The following CEP104 variants were observed in gnomAD, a reference collection of about 807,000 sequenced individuals.
The protein encoded by CEP104 is centrosomal protein 104.
CEP104 carries 84 observed loss-of-function variants against 113.3 expected under a neutral mutation model. The observed-to-expected ratio is 0.74, with a 90% CI of 0.62 to 0.89. The LOEUF is 0.89. Ranked by LOEUF, CEP104 falls within the 40% of genes least tolerant of loss-of-function variation. The probability of loss-of-function intolerance (pLI) is 0.00; values close to 1 mark genes in which losing one functional copy is unlikely to be tolerated. For missense variants in CEP104, 1,053 were observed against 1,156.6 expected, an observed-to-expected ratio of 0.91 and a Z score of 1.30; for synonymous variants, 378 against 421.7, an observed-to-expected ratio of 0.90 and a Z score of 1.27.
intron 18 of CEP104, among the ~76,000 whole-genome samples, chr1:3,825,495 T>C (rs896713087): frequency 6.6e-6 from 1 of 152,198 alleles, no homozygotes; most frequent in Non-Finnish European, 1.5e-5. Flanking sequence ...AGGACCCATT[T>C]GTGGTGTCAG....
intron 20 of CEP104, among the ~76,000 whole-genome samples, chr1:3,817,802 C>T (rs1375861524): frequency 6.6e-6 from 1 of 152,224 alleles, no homozygotes; most frequent in Non-Finnish European, 1.5e-5. Context: ...CAGTGGCAGA[C>T]ACGTGGCAGG....
At chr1:3,833,735 T>C in intron 12 of CEP104, 127 bp downstream of exon 12, 1 of 850,558 alleles carries the variant, frequency 1.2e-6, no homozygotes, top group South Asian at 1.9e-5. Flanking sequence ...GAAAGTGTGA[T>C]GGTGAATCCC....
intron 6 of CEP104, chr1:3,843,455 G>C (rs988137545): frequency 2.2e-6 from 1 of 453,454 alleles, no homozygotes; most frequent in Non-Finnish European, 3.9e-6. Flanking sequence ...CGGCTCAAGC[G>C]ATCTTCCTGC....
intron 20 of CEP104, among the ~76,000 whole-genome samples, chr1:3,817,541 G>A (rs778738431): frequency 3.3e-5 from 5 of 152,140 alleles, no homozygotes; most frequent in African/African-American, 7.2e-5. Flanking sequence ...CTCCTGTCCC[G>A]CTTTAGCTGC....
At chr1:3,853,212 T>G (rs1407551014) in intron 1 of CEP104, among the ~76,000 whole-genome samples, 2 of 152,182 alleles carry the variant, frequency 1.3e-5, no homozygotes, top group African/African-American at 2.4e-5. Flanking sequence ...TGAATGTGTA[T>G]GACCAGAAGG....
rs1389056135 is a variant in CEP104 at position 3,831,096 on chromosome 1, T to C, written c.1786A>G (p.Lys596Glu). The C allele has an allele frequency of 6.2e-7, 1 of 1,614,182 alleles. No homozygotes were observed. Among genetic ancestry groups the C allele is most frequent in the Non-Finnish European group, 8.5e-7 (1 of 1,180,046 alleles). Residue 596 changes from lysine to glutamate, a missense_variant, in exon 13 of 22, where the codon AAA (lysine) becomes GAA (glutamate). Coordinates refer to ENST00000378230, the MANE Select transcript of CEP104 (RefSeq NM_014704.4). ...SQMGLLARLL[K>E]DLGTGSSGFT... ...CCCGAGCTGCCAGTGCCCAGGTCTT[T>C]CAGCAGCCGGGCCAGGAGGCCCATC...
rs1436321927 is a variant in CEP104 at position 3,812,261 on chromosome 1, A to T, written c.*3141T>A. ...GCAAAATTTCATTAAAAACATTTACATTTGTATCCTAATGCCAATTTATAC... is the reference window on the plus strand; with the variant it reads ...GCAAAATTTCATTAAAAACATTTACTTTTGTATCCTAATGCCAATTTATAC... On this transcript the variant is annotated 3_prime_UTR_variant, in exon 22 of 22. Coordinates refer to ENST00000378230, the MANE Select transcript of CEP104 (RefSeq NM_014704.4). 6.6e-6 allele frequency: 1 copy of T among 152,214 alleles called. No homozygotes were observed. Among genetic ancestry groups the T allele is most frequent in the Non-Finnish European group, 1.5e-5 (1 of 68,036 alleles). 9.4% of individuals were successfully genotyped at this position (152,214 alleles called of 1,614,324 possible). A position where few individuals can be genotyped will look rare whatever the true frequency, so the allele number is the denominator to read the frequency against.
At chr1:3,845,571 A>G (rs1644491973) in intron 4 of CEP104, among the ~76,000 whole-genome samples, 1 of 152,092 alleles carries the variant, frequency 6.6e-6, no homozygotes, top group Middle Eastern at 3.4e-3. Context: ...ATGCCCTGCT[A>G]ATTTTTGTGT....
intron 20 of CEP104, among the ~76,000 whole-genome samples, chr1:3,818,480 A>G (rs1238243892): frequency 6.6e-6 from 1 of 152,190 alleles, no homozygotes; most frequent in African/African-American, 2.4e-5. Flanking sequence ...GTGTGTGTCC[A>G]GAATCTGACC....
chr1:3,854,635 ATTTTTTTTT>A (rs34466194), intron 1 of CEP104, among the ~76,000 whole-genome samples: 2 of 126,120 alleles, frequency 1.6e-5, no homozygotes, highest in African/African-American at 3.1e-5. Context: ...TGCCTGGCTA[ATTTTTTTTT>A]TTTTTTTTTT....
intron 1 of CEP104, among the ~76,000 whole-genome samples, chr1:3,856,504 A>ATC (rs1350335485): frequency 6.6e-6 from 1 of 152,278 alleles, no homozygotes. Flanking sequence ...TCAGACTTTA[A>ATC]TCTCTATAGG....
chr1:3,839,726 T>A lies in CEP104; in HGVS notation c.617A>T (p.Gln206Leu), dbSNP rs766190335. The change falls in exon 7 of 22, where the codon CAA becomes CTA. Residue 206 changes from glutamine to leucine, a missense_variant. Transcript: ENST00000378230. ...TATGATCTGTGCAACTTCTGGATCT[T>A]GGTACATATCAAAAGCTAAGTCATC... ...PLDDLAFDMY[Q>L]DPEVAQIIRK... The A allele has an allele frequency of 1.9e-6, 3 of 1,613,990 alleles. No homozygotes were observed. The highest frequency in any genetic ancestry group is 2.5e-6 in the Non-Finnish European group (3 of 1,179,936).
chr1:3,846,013 A>C (rs1644499440), intron 4 of CEP104, among the ~76,000 whole-genome samples: 1 of 143,764 alleles, frequency 7.0e-6, no homozygotes, highest in Admixed American at 7.3e-5. Flanking sequence ...TGTGAGACAG[A>C]GGTTGCAGTG....
chr1:3,836,129 A>G (rs568080686), intron 10 of CEP104, among the ~76,000 whole-genome samples: 1 of 152,098 alleles, frequency 6.6e-6, no homozygotes, highest in African/African-American at 2.4e-5. Context: ...GTGAAACTCT[A>G]TCTCTACTAA....
Position 3,852,309 on chromosome 1 carries a change from C to T in CEP104, c.99G>A (p.Gly33=). 6.2e-7 allele frequency: 1 copy of T among 1,613,816 alleles called. No homozygotes were observed. Among genetic ancestry groups the T allele is most frequent in the East Asian group, 2.2e-5 (1 of 44,886 alleles). The part of the protein sequence containing the change: ...ELMIHAPTVS[G]WRSPRFCQFP... ...CCAGTCCTCACCTAGGTGACCGCCA[C>T]CCACTGACAGTTGGCGCGTGGATCA... The change falls in exon 2 of 22, where the codon GGG becomes GGA. Residue 33 remains glycine (G), a synonymous_variant. Coordinates refer to ENST00000378230, the MANE Select transcript of CEP104 (RefSeq NM_014704.4).
In CEP104 at chr1:3,839,771, G is replaced by T; in HGVS notation, c.572C>A (p.Ser191Tyr). 2 of 1,607,976 alleles carry T rather than the reference G, an allele frequency of 1.2e-6. No homozygotes were observed. The highest frequency in any genetic ancestry group is 1.1e-5 in the South Asian group (1 of 89,672). ...PALEGTYARK[S>Y]DYISPLDDLA... The stretch of plus-strand genomic sequence containing the variant: ...GTCATCTAGCGGAGAGATATAGTCA[G>T]ATTTCCTAAAGGGAAGAAATGCATA... The change falls in exon 7 of 22, where the codon TCT becomes TAT. Residue 191 changes from serine (S) to tyrosine (Y), a missense_variant. Coordinates refer to ENST00000378230, the MANE Select transcript of CEP104 (RefSeq NM_014704.4).
rs544708878 is a variant in CEP104, at chr1:3,833,846, G to A, written c.1659+16C>T. On this transcript the variant is annotated intron_variant, in intron 12 of 21. Transcript: ENST00000378230. ...TTTATCATCTACGGTTTCAAATGCC[G>A]TGGTGAAGTTCAGACCTGAATAAAA... 24 of 1,613,014 alleles carry A rather than the reference G, an allele frequency of 1.5e-5. No homozygotes were observed. The highest frequency in any genetic ancestry group is 1.3e-4 in the South Asian group (12 of 91,048).
At position 3,823,660 on chromosome 1, in the gene CEP104, G is replaced by A; in HGVS notation, c.2365-98C>T. ...TGTGAGCGCCTCCCCTGCCCAGGGA[G>A]GTCTGTGCCGCCTGCACATGAAGTA... On this transcript the variant is annotated intron_variant, in intron 18 of 21. Coordinates refer to ENST00000378230, the MANE Select transcript of CEP104 (RefSeq NM_014704.4). The surrounding 1 kb of genome is among the most constrained non-coding windows in gnomAD (Gnocchi z 4.1). 6.9e-7 allele frequency: 1 copy of A among 1,448,284 alleles called. No individual in the cohort carries two copies. Among genetic ancestry groups the A allele is most frequent in the East Asian group, 2.3e-5 (1 of 44,086 alleles). The allele number at this position is 1,448,284 out of a possible 1,614,324, so 89.7% of individuals were successfully genotyped here. A position where few individuals can be genotyped will look rare whatever the true frequency, so the allele number is the denominator to read the frequency against.
chr1:3,831,883 ATTTGG>A (rs1486205140), intron 12 of CEP104, among the ~76,000 whole-genome samples: 2 of 152,196 alleles, frequency 1.3e-5, no homozygotes, highest in African/African-American at 2.4e-5. Context: ...CTCACTCTGG[ATTTGG>A]GCCTGTGAGT....
Sources: gnomAD v4.1 joint callset for allele counts (sites outside exome capture counted in the v4.1 genomes callset) on GRCh38, gnomAD v4.1.1 for gene constraint, Gnocchi (gnomAD v3.1) non-coding constraint, MANE v1.5 for transcripts, NCBI Gene and HGNC (gene_info 2026-07-23, HGNC 2026-07-21) for gene names.